The following EDC3 variants were observed in gnomAD, a reference collection of about 807,000 sequenced individuals.
EDC3 encodes enhancer of mRNA decapping 3.
A neutral mutation model predicts 41.8 loss-of-function variants in EDC3; 20 were observed. The ratio of observed to expected loss-of-function variants is 0.48; its 90% CI spans 0.34 to 0.70. The LOEUF (loss-of-function observed/expected upper bound fraction) is 0.70. Ranked by LOEUF, EDC3 falls within the 30% of genes least tolerant of loss-of-function variation. The pLI, the probability that EDC3 is intolerant of heterozygous loss-of-function variation, is 0.01. For missense variants in EDC3, 444 were observed against 636.8 expected, an observed-to-expected ratio of 0.70 and a Z score of 3.26; for synonymous variants, 206 against 243.2, an observed-to-expected ratio of 0.85 and a Z score of 1.42.
intron 1 of EDC3, among the ~76,000 whole-genome samples, chr15:74,681,404 G>C (rs922562873): frequency 6.6e-6 from 1 of 151,960 alleles, no homozygotes; most frequent in African/African-American, 2.4e-5. Context: ...ACCCACCTCA[G>C]CCTCCCAAAG....
At chr15:74,666,207 G>C (rs183497045) in intron 3 of EDC3, among the ~76,000 whole-genome samples, 1 of 152,130 alleles carries the variant, frequency 6.6e-6, no homozygotes, top group Non-Finnish European at 1.5e-5. Context: ...TCAATGAGTG[G>C]AAAAATAATT....
chr15:74,687,410 G>C (rs751775778), intron 1 of EDC3, among the ~76,000 whole-genome samples: 3 of 152,082 alleles, frequency 2.0e-5, no homozygotes, highest in Non-Finnish European at 4.4e-5. Context: ...GCCTTGCTCT[G>C]TCGCCCAGGC....
intron 3 of EDC3, among the ~76,000 whole-genome samples, chr15:74,661,502 G>A (rs1005075433): frequency 1.3e-5 from 2 of 151,982 alleles, no homozygotes; most frequent in Non-Finnish European, 1.5e-5. Flanking sequence ...ACACGGCCAG[G>A]GGTGGTGACT....
intron 2 of EDC3, among the ~76,000 whole-genome samples, chr15:74,673,380 G>GTTA (rs1255118845): frequency 6.6e-6 from 1 of 152,180 alleles, no homozygotes; most frequent in Non-Finnish European, 1.5e-5. Context: ...GGGGAAAGGT[G>GTTA]TTATTAGTCA....
Position 74,632,601 on chromosome 15 carries a change from G to A in EDC3, c.*11C>T, listed in dbSNP as rs373155841. On this transcript the variant is annotated 3_prime_UTR_variant, in exon 7 of 7. Transcript: ENST00000315127. The surrounding 1 kb of genome is among the most constrained non-coding windows in gnomAD (Gnocchi z 4.0). ...CAGGGGACAGCAGAGTCCTGCCTGCGCAGGAACCCTCTAAGCAGAGTGCAG... is the reference window on the plus strand; with the variant it reads ...CAGGGGACAGCAGAGTCCTGCCTGCACAGGAACCCTCTAAGCAGAGTGCAG... The A allele has an allele frequency of 2.8e-5, 45 of 1,609,122 alleles. No individual in the cohort carries two copies. The highest frequency in any genetic ancestry group is 1.9e-4 in the Middle Eastern group (1 of 5,372).
chr15:74,672,838 A>G (rs2141652808), intron 2 of EDC3, among the ~76,000 whole-genome samples: 1 of 151,774 alleles, frequency 6.6e-6, no homozygotes, highest in African/African-American at 2.4e-5. Flanking sequence ...TTTTTTTTTT[A>G]AGTGTTAAAT....
chr15:74,666,876 C>A (rs1337598585), intron 3 of EDC3, among the ~76,000 whole-genome samples: 2 of 151,976 alleles, frequency 1.3e-5, no homozygotes, highest in African/African-American at 2.4e-5. Flanking sequence ...TAGAAGATCC[C>A]AGGATGGAAT....
chr15:74,688,156 T>C (rs2062960622), intron 1 of EDC3, among the ~76,000 whole-genome samples: 1 of 152,222 alleles, frequency 6.6e-6, no homozygotes, highest in African/African-American at 2.4e-5. Context: ...AGGTTTATTC[T>C]ATAAAGAAAA....
At chr15:74,685,433 A>G (rs1048714570) in intron 1 of EDC3, among the ~76,000 whole-genome samples, 1 of 151,108 alleles carries the variant, frequency 6.6e-6, no homozygotes, top group South Asian at 2.1e-4. Flanking sequence ...AGATAGATAG[A>G]TAGTGTGTGT....
At chr15:74,694,230 T>C (rs1159644329) in intron 1 of EDC3, among the ~76,000 whole-genome samples, 3 of 152,210 alleles carry the variant, frequency 2.0e-5, no homozygotes, top group Non-Finnish European at 4.4e-5. Flanking sequence ...TTGTTTTTCT[T>C]AGACAGAGTC....
At chr15:74,669,882 C>T (rs552926257) in intron 3 of EDC3, among the ~76,000 whole-genome samples, 2 of 152,214 alleles carry the variant, frequency 1.3e-5, no homozygotes, top group African/African-American at 4.8e-5. Context: ...CTCACACTGT[C>T]ACCCAGGCTG....
chr15:74,691,555 C>T (rs964641776), intron 1 of EDC3, among the ~76,000 whole-genome samples: 15 of 152,124 alleles, frequency 9.9e-5, no homozygotes, highest in East Asian at 5.8e-4. Flanking sequence ...AAATCAAGTC[C>T]TGGTCTTTAC....
chr15:74,677,244 G>A (rs1158110316), intron 1 of EDC3, among the ~76,000 whole-genome samples: 1 of 151,272 alleles, frequency 6.6e-6, no homozygotes, highest in African/African-American at 2.4e-5. Flanking sequence ...TGTATTTTTA[G>A]TAGAGACGGG....
At chr15:74,638,326 CTTTTTTTTTTTTTT>C (rs60846010) in intron 5 of EDC3, 2 of 92,618 alleles carry the variant, frequency 2.2e-5, no homozygotes, top group African/African-American at 8.5e-5. Context: ...AACTTCAGAT[CTTTTTTTTTTTTTT>C]TTTTTTTTTT....
chr15:74,645,792 A>G (rs1043494628), intron 4 of EDC3, among the ~76,000 whole-genome samples: 1 of 151,618 alleles, frequency 6.6e-6, no homozygotes, highest in African/African-American at 2.4e-5. Flanking sequence ...AGGTCAGGGG[A>G]GCCCAGGAGG....
chr15:74,656,406 A>AACACACACACACAC (rs143925363), intron 3 of EDC3, among the ~76,000 whole-genome samples: 89 of 145,948 alleles, frequency 6.1e-4, no homozygotes, highest in African/African-American at 8.6e-4. Flanking sequence ...TCTGTCTCAA[A>AACACACACACACAC]ACACACACAC....
chr15:74,687,193 A>C (rs1240946931), intron 1 of EDC3: 1 of 152,196 alleles, frequency 6.6e-6, no homozygotes, highest in Non-Finnish European at 1.5e-5. Flanking sequence ...TCTCAAAAAA[A>C]AAAACAAAAA....
At chr15:74,640,749 C>A in intron 4 of EDC3, 130 bp from the exon 5 acceptor site, 4 of 1,163,258 alleles carry the variant, frequency 3.4e-6, no homozygotes, top group Non-Finnish European at 4.9e-6. Flanking sequence ...TCCTCTTCAT[C>A]TTCCGGGACT....
chr15:74,669,227 C>G (rs2062711973), intron 3 of EDC3, among the ~76,000 whole-genome samples: 1 of 152,010 alleles, frequency 6.6e-6, no homozygotes, highest in African/African-American at 2.4e-5. Flanking sequence ...CCTGTAATCC[C>G]AGCTACTCGG....
Sources: allele counts gnomAD v4.1 joint callset (sites outside exome capture counted in the v4.1 genomes callset), GRCh38; gene constraint gnomAD v4.1.1; non-coding constraint Gnocchi (gnomAD v3.1); transcripts MANE v1.5; gene names NCBI Gene and HGNC (gene_info 2026-07-23, HGNC 2026-07-21).